PTPN2: variants seen among roughly 807,000 people sequenced by gnomAD.
PTPN2 encodes the protein tyrosine-protein phosphatase non-receptor type 2.
A neutral mutation model predicts 57.3 loss-of-function variants in PTPN2; 19 were observed. The ratio of observed to expected loss-of-function variants is 0.33; its 90% CI spans 0.23 to 0.49. The LOEUF is 0.49. Among genes scored for constraint, PTPN2 ranks in the 20% least tolerant of loss-of-function variants. The probability of loss-of-function intolerance (pLI) is 0.99; values close to 1 mark genes in which losing one functional copy is unlikely to be tolerated. For synonymous variants in PTPN2, 153 were observed against 164.9 expected (o/e 0.93, Z 0.55); for missense variants, 358 against 501.1 (o/e 0.71, Z 2.73).
At chr18:12,801,673 T>A (rs2041430586) in intron 8 of PTPN2, 1 of 240,020 alleles carries the variant, frequency 4.2e-6, no homozygotes, top group Non-Finnish European at 8.2e-6. Flanking sequence ...GCTCAAGTGA[T>A]CCTCCCACTT....
intron 5 of PTPN2, among the ~76,000 whole-genome samples, chr18:12,824,773 A>G (rs2042389080): frequency 6.6e-6 from 1 of 152,146 alleles, no homozygotes; most frequent in African/African-American, 2.4e-5. Flanking sequence ...GGAACAGTTC[A>G]TATGTTTCTG....
chr18:12,789,878 GTATA>G (rs1002659485), downstream of PTPN2, among the ~76,000 whole-genome samples: 1 of 151,344 alleles, frequency 6.6e-6, no homozygotes, highest in Non-Finnish European at 1.5e-5. Context: ...GTGTGTGTGT[GTATA>G]TATATATGTA....
chr18:12,826,014 T>C, intron 4 of PTPN2, 70 bp from the exon 5 acceptor site: 3 of 1,331,484 alleles, frequency 2.3e-6, no homozygotes, highest in Non-Finnish European at 3.1e-6. Flanking sequence ...AGTTAAAAAA[T>C]GAAAACAAAC....
Position 12,883,998 on chromosome 18 carries a change from G to A in PTPN2, c.69+75C>T, listed in dbSNP as rs2044768184. On this transcript the variant is annotated intron_variant, in intron 1 of 8. Coordinates refer to ENST00000309660, the MANE Select transcript of PTPN2 (RefSeq NM_002828.4). The stretch of plus-strand genomic sequence containing the variant: ...TAGAGGCGAGAGGCGGGGGAGGCGG[G>A]AGGGACCCTGCGGACAGGGCACGAG... 3.0e-6 allele frequency: 4 copies of A among 1,332,518 alleles called. No homozygotes were observed. The Admixed American group carries it at 6.4e-5, about 21-fold the overall frequency. The allele number at this position is 1,332,518 out of a possible 1,614,324, so 82.5% of individuals were successfully genotyped here.
rs987325398 is a variant in PTPN2, at chr18:12,876,498, A to G, written c.69+7575T>C. Among the ~76,000 whole-genome samples the G allele has an allele frequency of 6.7e-4, 102 of 152,342 alleles. 1 individual carries two copies. Among genetic ancestry groups the G allele is most frequent in the African/African-American group, 2.4e-3 (99 of 41,586 alleles). On this transcript the variant is annotated intron_variant, in intron 1 of 8. Coordinates refer to ENST00000309660, the MANE Select transcript of PTPN2 (RefSeq NM_002828.4). ...AAAGAAGATTCTGGTTAAAATCAAG[A>G]AATCAAAAAAGAGGCAACTAGAAAA... is the stretch of plus-strand genomic sequence containing the variant.
At chr18:12,810,525 AG>A (rs1301202672) in intron 7 of PTPN2, among the ~76,000 whole-genome samples, 1 of 152,190 alleles carries the variant, frequency 6.6e-6, no homozygotes, top group Non-Finnish European at 1.5e-5. Context: ...AGCTCACTGT[AG>A]CCTCAAACTC....
At chr18:12,842,700 C>T (rs762799646) in intron 2 of PTPN2, among the ~76,000 whole-genome samples, 4 of 152,180 alleles carry the variant, frequency 2.6e-5, no homozygotes, top group Admixed American at 6.5e-5. Context: ...AGTTTAGGTT[C>T]GGAGAGTCAA....
intron 2 of PTPN2, among the ~76,000 whole-genome samples, chr18:12,856,167 G>C (rs562933795): frequency 1.3e-5 from 2 of 152,352 alleles, no homozygotes; most frequent in East Asian, 1.9e-4. Context: ...CCCAGGATGA[G>C]GAAGGTGGGA....
At chr18:12,816,622 TGGAGAAAGAATTAGCCGTTGGG>T (rs1030292367) in intron 6 of PTPN2, among the ~76,000 whole-genome samples, 2 of 152,024 alleles carry the variant, frequency 1.3e-5, no homozygotes, top group African/African-American at 2.4e-5. Flanking sequence ...GAATGACTGG[TGGAGAAAGAATTAGCCGTTGGG>T]GGCACAGACA....
intron 1 of PTPN2, among the ~76,000 whole-genome samples, chr18:12,874,339 G>C (rs2044395483): frequency 7.2e-6 from 1 of 139,618 alleles, no homozygotes; most frequent in Admixed American, 7.2e-5. Context: ...CGCCCCGTCT[G>C]GGAGGTGAGG....
At chr18:12,812,617 C>A (rs995947698) in intron 7 of PTPN2, among the ~76,000 whole-genome samples, 13 of 151,890 alleles carry the variant, frequency 8.6e-5, no homozygotes, top group Admixed American at 3.9e-4. Flanking sequence ...GAAAAAAAAA[C>A]CAGTAGCATG....
chr18:12,881,465 A>G (rs1370672283), intron 1 of PTPN2, among the ~76,000 whole-genome samples: 1 of 152,106 alleles, frequency 6.6e-6, no homozygotes, highest in Non-Finnish European at 1.5e-5. Context: ...TGATCATGGT[A>G]TTTCCAGACT....
At chr18:12,870,310 CATATATATGT>C (rs1568168384) in intron 1 of PTPN2, among the ~76,000 whole-genome samples, 3,110 of 57,406 alleles carry the variant, frequency 0.054, 323 homozygotes, top group East Asian at 0.077. Context: ...TGTATATATA[CATATATATGT>C]GTATATATAT....
chr18:12,836,775 G>GT lies in PTPN2; in HGVS notation c.261+15dup. On this transcript the variant is annotated intron_variant, in intron 3 of 8. Coordinates refer to ENST00000309660, the MANE Select transcript of PTPN2 (RefSeq NM_002828.4). The stretch of plus-strand genomic sequence containing the variant: ...CACATCATTTTCAGACATTTGCGTG[G>GT]TATCGTATTACTTGCCTGTGTTAAG... 1 of 1,465,148 alleles carries GT rather than the reference G, an allele frequency of 6.8e-7. No individual in the cohort carries two copies. Among genetic ancestry groups the GT allele is most frequent in the Non-Finnish European group, 9.5e-7 (1 of 1,048,858 alleles). The allele number at this position is 1,465,148 out of a possible 1,614,324, so 90.8% of individuals were successfully genotyped here. A position where few individuals can be genotyped will look rare whatever the true frequency, so the allele number is the denominator to read the frequency against.
intron 2 of PTPN2, among the ~76,000 whole-genome samples, chr18:12,857,332 ACACG>A (rs1364873504): frequency 6.6e-6 from 1 of 152,028 alleles, no homozygotes; most frequent in Non-Finnish European, 1.5e-5. Flanking sequence ...CACAGAACTT[ACACG>A]CACACACAAA....
In PTPN2 at chr18:12,792,195, G is replaced by A. The variant is rs542452011; in HGVS notation, c.*2083C>T. On this transcript the variant is annotated 3_prime_UTR_variant, in exon 9 of 9. Transcript: ENST00000309660. ...TAATATGTAGTACCACCTACATCCT[G>A]CTTTCATACTTTCAACATAATTTAA... is the stretch of plus-strand genomic sequence containing the variant. 1.1e-6 allele frequency: 1 copy of A among 937,910 alleles called. No homozygotes were observed. Among genetic ancestry groups the A allele is most frequent in the African/African-American group, 1.8e-5 (1 of 56,532 alleles). 58.1% of individuals were successfully genotyped at this position (937,910 alleles called of 1,614,324 possible).
At chr18:12,817,432 G>C in intron 5 of PTPN2, 67 bp from the exon 6 acceptor site, 1 of 1,196,020 alleles carries the variant, frequency 8.4e-7, no homozygotes, top group Non-Finnish European at 1.2e-6. Flanking sequence ...ACTTCAGAAA[G>C]ATCATGTGTT....
intron 4 of PTPN2, among the ~76,000 whole-genome samples, chr18:12,828,632 T>C (rs185372103): frequency 1.1e-3 from 170 of 152,342 alleles, no homozygotes; most frequent in Non-Finnish European, 2.0e-3. Flanking sequence ...GCAACACTTA[T>C]AGTTCCAAAT....
At chr18:12,818,138 A>G (rs1010661802) in intron 5 of PTPN2, among the ~76,000 whole-genome samples, 1 of 152,218 alleles carries the variant, frequency 6.6e-6, no homozygotes, top group Non-Finnish European at 1.5e-5. Context: ...GTGAAACTCC[A>G]TCTTCAAAAA....
Sources: gnomAD v4.1 joint callset for allele counts (sites outside exome capture counted in the v4.1 genomes callset) on GRCh38, gnomAD v4.1.1 for gene constraint, MANE v1.5 for transcripts, NCBI Gene and HGNC (gene_info 2026-07-23, HGNC 2026-07-21) for gene names.